Variants in HHAT observed in about 807,000 individuals in gnomAD.
HHAT encodes hedgehog acyltransferase.
Under a neutral mutation model 70.8 loss-of-function variants are expected in HHAT, and 47 were observed. The observed-to-expected ratio is 0.66, with a 90% CI of 0.53 to 0.85. The LOEUF is 0.85. Ranked by LOEUF, HHAT falls within the 40% of genes least tolerant of loss-of-function variation. HHAT has a pLI of 0.00. For synonymous variants in HHAT, 228 were observed against 247.6 expected (o/e 0.92, Z 0.74); for missense variants, 609 against 604.8 (o/e 1.01, Z -0.07).
intron 7 of HHAT, among the ~76,000 whole-genome samples, chr1:210,431,831 C>T (rs1340540439): frequency 6.6e-6 from 1 of 151,734 alleles, no homozygotes; most frequent in South Asian, 2.1e-4. Context: ...TGTATTAGAG[C>T]AACTACTTCT....
chr1:210,495,843 G>A (rs12408469), intron 8 of HHAT, among the ~76,000 whole-genome samples: 27,518 of 151,544 alleles, frequency 0.18, 3,145 homozygotes, highest in Admixed American at 0.29. Flanking sequence ...CTCCATCTCT[G>A]CTAAAAATAC....
intron 4 of HHAT, among the ~76,000 whole-genome samples, chr1:210,399,717 T>G (rs2091971282): frequency 6.6e-6 from 1 of 152,154 alleles, no homozygotes; most frequent in Non-Finnish European, 1.5e-5. Context: ...CCCCATCAGG[T>G]CTGACCAAGG....
intron 1 of HHAT, chr1:210,329,408 G>A: frequency 3.6e-6 from 4 of 1,123,884 alleles, no homozygotes; most frequent in Non-Finnish European, 4.3e-6. Context: ...ACTGCTGCGG[G>A]GAGTTGCGAA....
chr1:210,534,885 G>A (rs989106205), intron 9 of HHAT, among the ~76,000 whole-genome samples: 3 of 152,192 alleles, frequency 2.0e-5, no homozygotes, highest in Admixed American at 2.0e-4. Context: ...GATACCTATA[G>A]AATTGTACCT....
chr1:210,616,309 T>G (rs944947849), intron 10 of HHAT, among the ~76,000 whole-genome samples: 2 of 152,230 alleles, frequency 1.3e-5, no homozygotes, highest in Admixed American at 6.5e-5. Flanking sequence ...ATTGAAATTT[T>G]GAATCCTTTG....
chr1:210,441,449 C>A (rs2093506099), intron 7 of HHAT, among the ~76,000 whole-genome samples: 1 of 152,184 alleles, frequency 6.6e-6, no homozygotes, highest in Non-Finnish European at 1.5e-5. Context: ...CAATCTTTCT[C>A]TGCACCCTCT....
At chr1:210,334,232 T>C (rs1460198502) in intron 1 of HHAT, among the ~76,000 whole-genome samples, 1 of 145,672 alleles carries the variant, frequency 6.9e-6, no homozygotes, top group Non-Finnish European at 1.5e-5. Context: ...CCAGGCTGGA[T>C]CACAGCTCAC....
intron 3 of HHAT, among the ~76,000 whole-genome samples, chr1:210,374,749 C>T (rs971039275): frequency 9.4e-5 from 14 of 149,556 alleles, no homozygotes; most frequent in Middle Eastern, 3.5e-3. Context: ...TACCGAGCTT[C>T]CCCAGTGGGG....
At chr1:210,600,522 G>A (rs1047088830) in intron 10 of HHAT, among the ~76,000 whole-genome samples, 1 of 152,152 alleles carries the variant, frequency 6.6e-6, no homozygotes, top group African/African-American at 2.4e-5. Flanking sequence ...GGGTAAGGAG[G>A]AATTAGTCTT....
intron 5 of HHAT, among the ~76,000 whole-genome samples, chr1:210,400,953 G>A (rs1174257097): frequency 6.6e-6 from 1 of 152,212 alleles, no homozygotes; most frequent in Non-Finnish European, 1.5e-5. Flanking sequence ...AGAGGGTCAG[G>A]AACAAAGAGA....
upstream of HHAT, chr1:210,328,892 G>C: frequency 4.4e-6 from 3 of 684,860 alleles, no homozygotes; most frequent in Non-Finnish European, 6.1e-6. Flanking sequence ...TCCGGGCGCG[G>C]AGGGCGCGCG....
rs537793011 is a variant in HHAT at position 210,423,505 on chromosome 1, T to C, written c.856+5180T>C. Among the ~76,000 whole-genome samples the C allele has an allele frequency of 2.0e-5, 3 of 152,372 alleles. No homozygotes were observed. In the South Asian group the frequency reaches 6.2e-4, roughly 32 times the overall value. On this transcript the variant is annotated intron_variant, in intron 7 of 11. Transcript: ENST00000261458. The stretch of plus-strand genomic sequence containing the variant: ...TTTGCAAATATTTTCTCCTATTCTG[T>C]AAGTTGTCTTTTCACTCTGTTGTTT...
chr1:210,362,374 A>G (rs974710642), intron 2 of HHAT, among the ~76,000 whole-genome samples: 1 of 151,768 alleles, frequency 6.6e-6, no homozygotes, highest in African/African-American at 2.4e-5. Flanking sequence ...TCTCCTGACC[A>G]TGCCACCACA....
intron 8 of HHAT, among the ~76,000 whole-genome samples, chr1:210,475,876 C>G (rs1401867437): frequency 6.7e-6 from 1 of 150,226 alleles, no homozygotes; most frequent in Non-Finnish European, 1.5e-5. Context: ...AAAAAAAAAT[C>G]CCTGTTAGGA....
intron 1 of HHAT, among the ~76,000 whole-genome samples, chr1:210,342,853 C>A (rs1306685392): frequency 6.6e-6 from 1 of 152,106 alleles, no homozygotes; most frequent in East Asian, 1.9e-4. Flanking sequence ...TATAGTTTTC[C>A]TTTTCTTTTA....
intron 10 of HHAT, among the ~76,000 whole-genome samples, chr1:210,604,835 G>A (rs1199591958): frequency 6.6e-6 from 1 of 152,114 alleles, no homozygotes; most frequent in Non-Finnish European, 1.5e-5. Context: ...GGGAAACACA[G>A]TGAGACCTCC....
intron 11 of HHAT, among the ~76,000 whole-genome samples, chr1:210,627,244 C>T (rs1231441698): frequency 6.6e-6 from 1 of 152,150 alleles, no homozygotes; most frequent in Non-Finnish European, 1.5e-5. Context: ...GATTTGCACA[C>T]ACCTCACAGC....
chr1:210,370,173 T>C (rs1405292662), intron 3 of HHAT, among the ~76,000 whole-genome samples: 9 of 54,266 alleles, frequency 1.7e-4, no homozygotes, highest in Non-Finnish European at 3.6e-4. Flanking sequence ...CTTTTTTTTT[T>C]TTTTTTTTTT....
At position 210,662,959 on chromosome 1, in the gene HHAT, C is replaced by T. The variant is rs537663444; in HGVS notation, c.1391-11329C>T. On this transcript the variant is annotated intron_variant, in intron 11 of 11. Transcript: ENST00000261458. ...CAGCTCCTAGCAAGGATCTCTTGCTCAGAATGGAGGAAGCTCCCTGAGGGT... is the reference window on the plus strand; with the variant it reads ...CAGCTCCTAGCAAGGATCTCTTGCTTAGAATGGAGGAAGCTCCCTGAGGGT... Among the ~76,000 whole-genome samples the T allele has an allele frequency of 5.3e-4, 80 of 152,244 alleles. 1 individual carries two copies. The South Asian group carries it at 0.016, about 30-fold the overall frequency.
Sources: allele counts gnomAD v4.1 joint callset (sites outside exome capture counted in the v4.1 genomes callset), GRCh38; gene constraint gnomAD v4.1.1; transcripts MANE v1.5; gene names NCBI Gene and HGNC (gene_info 2026-07-23, HGNC 2026-07-21).